Variants in APOLD1 observed in about 807,000 individuals in gnomAD.
APOLD1 encodes the protein apolipoprotein L domain containing 1, also known as apolipoprotein L domain-containing protein 1.
A neutral mutation model predicts 15.3 loss-of-function variants in APOLD1; 22 were observed. The observed-to-expected ratio is 1.44, with a 90% CI of 1.03 to 2.05. The LOEUF (loss-of-function observed/expected upper bound fraction) is 2.05, where lower values mean the gene tolerates loss of function less well. Ranked by LOEUF, APOLD1 falls within the 30% of genes most tolerant of loss-of-function variation. The pLI, the probability that APOLD1 is intolerant of heterozygous loss-of-function variation, is 0.00. For synonymous variants in APOLD1, 190 were observed against 167.4 expected (o/e 1.13, Z -1.04); for missense variants, 394 against 353.5 (o/e 1.11, Z -0.92).
chr12:12,772,254 C>T (rs1946993928), intron 1 of APOLD1, among the ~76,000 whole-genome samples: 1 of 152,116 alleles, frequency 6.6e-6, no homozygotes, highest in Non-Finnish European at 1.5e-5. Flanking sequence ...ATAAGAAACC[C>T]ACTTTAAATA....
chr12:12,752,371 GT>G (rs1946818867), intron 1 of APOLD1, among the ~76,000 whole-genome samples: 1 of 152,160 alleles, frequency 6.6e-6, no homozygotes, highest in African/African-American at 2.4e-5. Flanking sequence ...CTGGACCTGG[GT>G]GGCTAATTAA....
intron 1 of APOLD1, among the ~76,000 whole-genome samples, chr12:12,767,293 T>C (rs867681509): frequency 5.3e-5 from 8 of 152,252 alleles, no homozygotes; most frequent in Middle Eastern, 3.4e-3. Context: ...GTTCTGCATT[T>C]GTGAATTAAA....
upstream of APOLD1, among the ~76,000 whole-genome samples, chr12:12,782,465 G>T (rs1207417698): frequency 6.6e-6 from 1 of 152,162 alleles, no homozygotes; most frequent in East Asian, 1.9e-4. Context: ...ATTTCCTCAT[G>T]GTTCGAGGAC....
chr12:12,769,340 A>T (rs1946967056), intron 1 of APOLD1, among the ~76,000 whole-genome samples: 1 of 152,150 alleles, frequency 6.6e-6, no homozygotes, highest in Non-Finnish European at 1.5e-5. Flanking sequence ...GAGGTCATAG[A>T]GTAAACCCCA....
upstream of APOLD1, among the ~76,000 whole-genome samples, chr12:12,782,741 T>A (rs887916741): frequency 6.6e-6 from 1 of 152,092 alleles, no homozygotes; most frequent in African/African-American, 2.4e-5. Flanking sequence ...CCATTTTCAG[T>A]GTAGTCTCTC....
rs71064314 is a variant in APOLD1 at position 12,727,581 on chromosome 12, A to ATTATTTAT, written c.96+1499_96+1506dup. Among the ~76,000 whole-genome samples the ATTATTTAT allele has an allele frequency of 1.2e-3, 177 of 151,570 alleles. 1 individual carries two copies. Among genetic ancestry groups the ATTATTTAT allele is most frequent in the Middle Eastern group, 6.8e-3 (2 of 292 alleles). On this transcript the variant is annotated intron_variant, in intron 1 of 1. Transcript: ENST00000326765. ...CCCAAACTCAGCCTCTGAAAGCTTT[A>ATTATTTAT]TTATTTATTTATTTATTTATTCTTC...
rs76387126 is a variant in APOLD1 at position 12,731,595 on chromosome 12, C to A, written c.96+5499C>A. 2.0e-4 allele frequency among the ~76,000 whole-genome samples: 31 copies of A among 152,068 alleles called. No individual in the cohort carries two copies. The East Asian group carries it at 6.0e-3, about 29-fold the overall frequency. On this transcript the variant is annotated intron_variant, in intron 1 of 1. Coordinates refer to the APOLD1 transcript ENST00000326765. ...TACAAATCCATGAAGAAAACACAAA[C>A]CAGTAGAAAAATAAGCAAAGGATAT... is the stretch of plus-strand genomic sequence containing the variant.
chr12:12,774,799 A>G (rs375141514), intron 1 of APOLD1, among the ~76,000 whole-genome samples: 26 of 152,264 alleles, frequency 1.7e-4, no homozygotes, highest in South Asian at 1.0e-3. Context: ...TGACGATACT[A>G]AATTCCCTGA....
chr12:12,729,573 G>A (rs981547835), intron 1 of APOLD1, among the ~76,000 whole-genome samples: 7 of 151,962 alleles, frequency 4.6e-5, no homozygotes, highest in African/African-American at 1.7e-4. Flanking sequence ...AGGAGCTCTT[G>A]CGGCCAGGAT....
intron 1 of APOLD1, among the ~76,000 whole-genome samples, chr12:12,761,772 C>A (rs1945680611): frequency 6.7e-6 from 1 of 148,626 alleles, no homozygotes; most frequent in Non-Finnish European, 1.5e-5. Context: ...GAACTCACCC[C>A]CAAATGGTTT....
At chr12:12,749,341 G>T (rs1366732143) in intron 1 of APOLD1, among the ~76,000 whole-genome samples, 1 of 152,064 alleles carries the variant, frequency 6.6e-6, no homozygotes, top group African/African-American at 2.4e-5. Flanking sequence ...GGGAACCTAA[G>T]GTCATTTCAC....
intron 1 of APOLD1, among the ~76,000 whole-genome samples, chr12:12,773,788 AC>A (rs1947006421): frequency 6.6e-6 from 1 of 152,230 alleles, no homozygotes; most frequent in Admixed American, 6.5e-5. Context: ...AAGTGAACCC[AC>A]ATAAATATAG....
intron 1 of APOLD1, among the ~76,000 whole-genome samples, chr12:12,734,476 T>C (rs1488054003): frequency 6.6e-6 from 1 of 152,234 alleles, no homozygotes; most frequent in Non-Finnish European, 1.5e-5. Flanking sequence ...ATCGATTCTT[T>C]CCATTTTGCA....
At chr12:12,748,157 G>C (rs1365143533) in intron 1 of APOLD1, among the ~76,000 whole-genome samples, 1 of 152,196 alleles carries the variant, frequency 6.6e-6, no homozygotes, top group Non-Finnish European at 1.5e-5. Context: ...TATCCTTTTA[G>C]ATATTAAGAG....
intron 1 of APOLD1, among the ~76,000 whole-genome samples, chr12:12,746,550 G>A (rs1316037959): frequency 1.4e-5 from 2 of 140,924 alleles, no homozygotes; most frequent in Non-Finnish European, 3.0e-5. Context: ...GCTCCAAATG[G>A]TGAACATGTG....
Position 12,746,425 on chromosome 12 carries a change from G to A in APOLD1, c.96+20329G>A, listed in dbSNP as rs533945249. 3.3e-5 allele frequency among the ~76,000 whole-genome samples: 5 copies of A among 152,272 alleles called. No individual in the cohort carries two copies. In the South Asian group the frequency reaches 1.0e-3, roughly 32 times the overall value. On this transcript the variant is annotated intron_variant, in intron 1 of 1. Coordinates refer to the APOLD1 transcript ENST00000326765. ...GCAGGAGAATCGCTTGAACCTGGGA[G>A]ACGGAGGTTGCAGTGAGCCGAGATC... is the stretch of plus-strand genomic sequence containing the variant.
At chr12:12,753,128 T>C (rs1031692397) in intron 1 of APOLD1, among the ~76,000 whole-genome samples, 1 of 152,102 alleles carries the variant, frequency 6.6e-6, no homozygotes, top group African/African-American at 2.4e-5. Flanking sequence ...AAAAGGACAT[T>C]GCCTCTGTAA....
intron 1 of APOLD1, among the ~76,000 whole-genome samples, chr12:12,763,133 AAT>A (rs1425198572): frequency 2.0e-5 from 3 of 152,134 alleles, no homozygotes; most frequent in African/African-American, 7.2e-5. Flanking sequence ...CAAGAAAAAA[AAT>A]TATTTTTAAT....
intron 1 of APOLD1, among the ~76,000 whole-genome samples, chr12:12,776,069 A>G (rs937218715): frequency 8.4e-4 from 128 of 151,968 alleles, no homozygotes; most frequent in Admixed American, 2.7e-3. Flanking sequence ...GCAAATAAGG[A>G]GAATAATAAT....
Sources: gnomAD v4.1 joint callset for allele counts (sites outside exome capture counted in the v4.1 genomes callset) on GRCh38, gnomAD v4.1.1 for gene constraint, MANE v1.5 for transcripts, NCBI Gene and HGNC (gene_info 2026-07-23, HGNC 2026-07-21) for gene names.